MAGI1: variants seen among roughly 807,000 people sequenced by gnomAD.
MAGI1 encodes membrane-associated guanylate kinase, WW and PDZ domain-containing protein 1.
In MAGI1, 58 loss-of-function variants were observed where a neutral mutation model predicts 139.9. The observed-to-expected ratio is 0.41, with a 90% CI of 0.34 to 0.52. MAGI1 has a LOEUF of 0.52. Among genes scored for constraint, MAGI1 ranks in the 20% least tolerant of loss-of-function variants. The probability of loss-of-function intolerance (pLI) is 0.12; values close to 1 mark genes in which losing one functional copy is unlikely to be tolerated. For synonymous variants in MAGI1, 812 were observed against 737.9 expected, an observed-to-expected ratio of 1.10 and a Z score of -1.63; for missense variants, 1,874 against 1,901.6, an observed-to-expected ratio of 0.99 and a Z score of 0.27.
intron 1 of MAGI1, among the ~76,000 whole-genome samples, chr3:65,800,077 T>A (rs746689157): frequency 6.6e-6 from 1 of 152,234 alleles, no homozygotes; most frequent in East Asian, 1.9e-4. Flanking sequence ...GGCATGTTAC[T>A]TTCCTCCCAA....
intron 22 of MAGI1, chr3:65,360,683 T>C (rs933312461): frequency 2.8e-5 from 28 of 986,984 alleles, no homozygotes; most frequent in Non-Finnish European, 3.2e-5. Flanking sequence ...AAGACACCAG[T>C]TGGGGGATGG....
At chr3:65,544,134 A>AT (rs2079389517) in intron 2 of MAGI1, among the ~76,000 whole-genome samples, 2 of 152,162 alleles carry the variant, frequency 1.3e-5, no homozygotes, top group African/African-American at 2.4e-5. Context: ...ATTAATGCAT[A>AT]TTTTTCTTTT....
chr3:65,763,275 G>A (rs2037185181), intron 1 of MAGI1, among the ~76,000 whole-genome samples: 1 of 152,058 alleles, frequency 6.6e-6, no homozygotes, highest in African/African-American at 2.4e-5. Flanking sequence ...TTCCAGAATT[G>A]CCTCTCTGTG....
chr3:65,839,378 A>G (rs1369984856), intron 1 of MAGI1, among the ~76,000 whole-genome samples: 1 of 152,084 alleles, frequency 6.6e-6, no homozygotes, highest in Non-Finnish European at 1.5e-5. Context: ...TATACTTTAT[A>G]TCATTATTTT....
At chr3:65,722,897 G>C (rs948713048) in intron 1 of MAGI1, among the ~76,000 whole-genome samples, 1 of 151,992 alleles carries the variant, frequency 6.6e-6, no homozygotes, top group Non-Finnish European at 1.5e-5. Flanking sequence ...GGTAGGGGAG[G>C]GGTGGAGGGG....
intron 1 of MAGI1, among the ~76,000 whole-genome samples, chr3:65,865,513 T>C (rs1200640748): frequency 1.3e-5 from 2 of 152,166 alleles, no homozygotes; most frequent in African/African-American, 4.8e-5. Context: ...GGAGGATCAC[T>C]TGAGCCTGGA....
chr3:65,915,362 C>A (rs932345799), intron 1 of MAGI1, among the ~76,000 whole-genome samples: 3 of 152,208 alleles, frequency 2.0e-5, no homozygotes, highest in Admixed American at 6.5e-5. Context: ...TCGCTCCATG[C>A]CAAACACCTT....
At chr3:65,546,446 G>C (rs1311783349) in intron 2 of MAGI1, among the ~76,000 whole-genome samples, 1 of 151,638 alleles carries the variant, frequency 6.6e-6, no homozygotes, top group East Asian at 1.9e-4. Flanking sequence ...ATAAATATTG[G>C]GCTTGCAGCA....
chr3:66,018,070 T>C (rs6762527), intron 1 of MAGI1, among the ~76,000 whole-genome samples: 93,050 of 145,352 alleles, frequency 0.64, 30,578 homozygotes, highest in East Asian at 0.86. Flanking sequence ...TTGTGCTTCA[T>C]GAACACACAA....
At chr3:66,007,421 T>C (rs1032258223) in intron 1 of MAGI1, among the ~76,000 whole-genome samples, 3 of 152,134 alleles carry the variant, frequency 2.0e-5, no homozygotes, top group African/African-American at 7.2e-5. Flanking sequence ...ACACTCAAAA[T>C]CTAATCGCTG....
intron 3 of MAGI1, among the ~76,000 whole-genome samples, chr3:65,484,972 C>T (rs1951538364): frequency 1.3e-5 from 2 of 152,170 alleles, no homozygotes; most frequent in South Asian, 4.1e-4. Context: ...TTTTGTGTAC[C>T]ACTGTGTTCT....
chr3:65,404,785 C>T (rs1402327766), intron 12 of MAGI1, among the ~76,000 whole-genome samples: 6 of 152,284 alleles, frequency 3.9e-5, no homozygotes, highest in South Asian at 4.1e-4. Context: ...AAGGAGATAG[C>T]GAGTATGTAA....
chr3:65,425,140 A>C (rs1407345299), intron 12 of MAGI1, among the ~76,000 whole-genome samples: 4 of 145,568 alleles, frequency 2.7e-5, no homozygotes, highest in Non-Finnish European at 4.5e-5. Context: ...AAACAAAAAA[A>C]AACACACATG....
chr3:65,541,499 G>A (rs2079222906), intron 2 of MAGI1, among the ~76,000 whole-genome samples: 1 of 152,190 alleles, frequency 6.6e-6, no homozygotes, highest in Non-Finnish European at 1.5e-5. Flanking sequence ...TATCCCTGAT[G>A]AACATTGATG....
In MAGI1 at chr3:65,777,178, C is replaced by T. The variant is rs150225069; in HGVS notation, c.314-155090G>A. Among the ~76,000 whole-genome samples the T allele has an allele frequency of 6.4e-3, 980 of 152,222 alleles. 8 individuals are homozygous for T. Among genetic ancestry groups the T allele is most frequent in the African/African-American group, 0.021 (892 of 41,546 alleles). On this transcript the variant is annotated intron_variant, in intron 1 of 22. Transcript: ENST00000402939. The stretch of plus-strand genomic sequence containing the variant: ...AATTATATTTATTAAGGGAAATATT[C>T]GACTTTTGAGAAGCAAACATACAGA...
chr3:65,508,334 G>T (rs1342411949), intron 2 of MAGI1, among the ~76,000 whole-genome samples: 1 of 152,070 alleles, frequency 6.6e-6, no homozygotes, highest in Non-Finnish European at 1.5e-5. Flanking sequence ...AACCTGGGAG[G>T]CGGAGCTTGC....
At chr3:65,538,036 G>A (rs1407473135) in intron 2 of MAGI1, among the ~76,000 whole-genome samples, 2 of 152,210 alleles carry the variant, frequency 1.3e-5, no homozygotes, top group African/African-American at 4.8e-5. Flanking sequence ...TTTGAAGGCT[G>A]AGGCAGGAGA....
chr3:65,945,400 T>C (rs1267328476), intron 1 of MAGI1, among the ~76,000 whole-genome samples: 1 of 152,204 alleles, frequency 6.6e-6, no homozygotes, highest in Non-Finnish European at 1.5e-5. Flanking sequence ...GGACCACACA[T>C]TCATTTCATG....
intron 1 of MAGI1, among the ~76,000 whole-genome samples, chr3:65,818,300 C>T (rs1200430332): frequency 6.6e-6 from 1 of 152,168 alleles, no homozygotes; most frequent in African/African-American, 2.4e-5. Flanking sequence ...CTTACTGAGG[C>T]TCCATTTGCC....
Sources: gnomAD v4.1 joint callset for allele counts (sites outside exome capture counted in the v4.1 genomes callset) on GRCh38, gnomAD v4.1.1 for gene constraint, MANE v1.5 for transcripts, NCBI Gene and HGNC (gene_info 2026-07-23, HGNC 2026-07-21) for gene names.